The following TBC1D19 variants were observed in gnomAD, a reference collection of about 807,000 sequenced individuals.
TBC1D19 encodes the protein TBC1 domain family, member 19.
A neutral mutation model predicts 89.0 loss-of-function variants in TBC1D19; 60 were observed. That is an observed-to-expected ratio of 0.67 (90% confidence interval 0.55 to 0.84). The LOEUF (loss-of-function observed/expected upper bound fraction) is 0.84. Among genes scored for constraint, TBC1D19 ranks in the 40% least tolerant of loss-of-function variants. TBC1D19 has a pLI of 0.00. For missense variants in TBC1D19, 500 were observed against 610.8 expected (o/e 0.82, Z 1.91); for synonymous variants, 189 against 199.7 (o/e 0.95, Z 0.45).
At chr4:26,828,117 C>T in the TBC1D19 span, among the ~76,000 whole-genome samples, 1 of 152,140 alleles carries the variant, frequency 6.6e-6, no homozygotes, top group Non-Finnish European at 1.5e-5. Context: ...TTATGAAGTG[C>T]TCTGAGCCTT....
At chr4:26,776,587 A>T in the TBC1D19 span, among the ~76,000 whole-genome samples, 1 of 152,208 alleles carries the variant, frequency 6.6e-6, no homozygotes, top group Non-Finnish European at 1.5e-5. Context: ...TGTCAATGTC[A>T]TCCTAGTCAT....
At chr4:26,651,444 T>C (rs1194993024) in intron 7 of TBC1D19, among the ~76,000 whole-genome samples, 2 of 152,178 alleles carry the variant, frequency 1.3e-5, no homozygotes, top group Non-Finnish European at 2.9e-5. Flanking sequence ...CCCTTGTAAG[T>C]TGGATTCCTA....
chr4:26,653,505 T>C lies in TBC1D19; in HGVS notation c.481-6092T>C, dbSNP rs759723005. Among the ~76,000 whole-genome samples, 44 of 152,230 alleles carry C rather than the reference T, an allele frequency of 2.9e-4. 1 individual carries two copies. Among genetic ancestry groups the C allele is most frequent in the Non-Finnish European group, 5.6e-4 (38 of 68,026 alleles). Reference sequence around the variant, plus strand: ...GTCTCCCATTATTATTGTGTGGGAGTCTAAGTCTCTTTTTAGGTGTCTCAG... The same window carrying C: ...GTCTCCCATTATTATTGTGTGGGAGCCTAAGTCTCTTTTTAGGTGTCTCAG... On this transcript the variant is annotated intron_variant, in intron 7 of 20. Transcript: ENST00000264866.
chr4:26,824,703 T>C, the TBC1D19 span, among the ~76,000 whole-genome samples: 19 of 152,230 alleles, frequency 1.2e-4, no homozygotes, highest in African/African-American at 4.3e-4. Flanking sequence ...TGCTATCATT[T>C]ACTTCTTAGT....
chr4:26,719,360 CT>C (rs1015087293), intron 14 of TBC1D19, among the ~76,000 whole-genome samples: 4 of 151,962 alleles, frequency 2.6e-5, no homozygotes, highest in African/African-American at 4.8e-5. Context: ...ATAAAAAGAA[CT>C]TTTTTTAACT....
chr4:26,580,683 G>A (rs1382541308), upstream of TBC1D19, among the ~76,000 whole-genome samples: 1 of 152,200 alleles, frequency 6.6e-6, no homozygotes, highest in East Asian at 1.9e-4. Flanking sequence ...CATGTTAAAA[G>A]CAGTCTCTTT....
At chr4:26,690,385 G>C (rs541626875) in intron 13 of TBC1D19, among the ~76,000 whole-genome samples, 1 of 152,204 alleles carries the variant, frequency 6.6e-6, no homozygotes, top group African/African-American at 2.4e-5. Flanking sequence ...CTAAACAACA[G>C]ATTTTTCAGT....
chr4:26,796,714 A>T, the TBC1D19 span, among the ~76,000 whole-genome samples: 1 of 152,170 alleles, frequency 6.6e-6, no homozygotes, highest in South Asian at 2.1e-4. Flanking sequence ...ATGAAAATAA[A>T]AGTAAACATT....
chr4:26,656,859 A>G (rs575014288), intron 7 of TBC1D19, among the ~76,000 whole-genome samples: 7 of 151,930 alleles, frequency 4.6e-5, no homozygotes, highest in African/African-American at 1.7e-4. Flanking sequence ...GCGCCCAGAC[A>G]CTTATTTTTG....
intron 3 of TBC1D19, among the ~76,000 whole-genome samples, 179 bp from the exon 4 acceptor site, chr4:26,620,434 C>A (rs989031005): frequency 6.6e-6 from 1 of 152,122 alleles, no homozygotes; most frequent in Non-Finnish European, 1.5e-5. Flanking sequence ...ATACTTAGTA[C>A]CTAGAATGGC....
chr4:26,649,630 T>C (rs111417807), intron 7 of TBC1D19, among the ~76,000 whole-genome samples: 10,519 of 152,268 alleles, frequency 0.069, 534 homozygotes, highest in Middle Eastern at 0.14. Flanking sequence ...GTTTATTGTA[T>C]AACCAATGAC....
chr4:26,847,856 T>C, the TBC1D19 span, among the ~76,000 whole-genome samples: 1 of 152,210 alleles, frequency 6.6e-6, no homozygotes, highest in Non-Finnish European at 1.5e-5. Flanking sequence ...CAACAGGATT[T>C]GGTAAACGTG....
chr4:26,639,495 A>C (rs1353199305), intron 6 of TBC1D19, among the ~76,000 whole-genome samples: 1 of 152,242 alleles, frequency 6.6e-6, no homozygotes, highest in Non-Finnish European at 1.5e-5. Flanking sequence ...TGTTAAAAAT[A>C]GGATAAATAG....
intron 13 of TBC1D19, among the ~76,000 whole-genome samples, chr4:26,691,350 A>C (rs911020201): frequency 6.6e-6 from 1 of 152,258 alleles, no homozygotes; most frequent in Admixed American, 6.5e-5. Context: ...GCAGGGTTCA[A>C]GCGAATTGAC....
intron 1 of TBC1D19, among the ~76,000 whole-genome samples, chr4:26,610,663 T>A (rs777234031): frequency 5.3e-5 from 8 of 152,056 alleles, no homozygotes; most frequent in Non-Finnish European, 1.2e-4. Context: ...CCATGTGTAC[T>A]CAATGTTCAG....
chr4:26,710,172 C>T (rs1465851842), intron 13 of TBC1D19, among the ~76,000 whole-genome samples: 1 of 151,942 alleles, frequency 6.6e-6, no homozygotes, highest in Admixed American at 6.6e-5. Context: ...CTAATGCTAT[C>T]CCTCCCCTCT....
intron 1 of TBC1D19, among the ~76,000 whole-genome samples, chr4:26,610,878 T>C (rs1378557412): frequency 1.3e-5 from 2 of 152,188 alleles, no homozygotes; most frequent in South Asian, 2.1e-4. Context: ...TTCCATTTCT[T>C]TGCTATTGTG....
At chr4:26,810,975 T>C in the TBC1D19 span, among the ~76,000 whole-genome samples, 1 of 152,172 alleles carries the variant, frequency 6.6e-6, no homozygotes, top group African/African-American at 2.4e-5. Context: ...AAACCAGAAA[T>C]ACCATTTGAC....
chr4:26,753,898 T>A lies in TBC1D19; in HGVS notation c.1506+8T>A, dbSNP rs746851672. On this transcript the variant is annotated splice_region_variant and intron_variant, in intron 20 of 20. Coordinates refer to ENST00000264866, the MANE Select transcript of TBC1D19 (RefSeq NM_018317.4). ...TCACTGGCTGCAGCTGAAGTAAGGATAAGTTTCACTCAGATGGGATGGAAA... is the reference window on the plus strand; with the variant it reads ...TCACTGGCTGCAGCTGAAGTAAGGAAAAGTTTCACTCAGATGGGATGGAAA... 5.6e-6 allele frequency: 9 copies of A among 1,613,782 alleles called. No homozygotes were observed. In the South Asian group the frequency reaches 7.7e-5, roughly 14 times the overall value.
Sources: gnomAD v4.1 joint callset for allele counts (sites outside exome capture counted in the v4.1 genomes callset) on GRCh38, gnomAD v4.1.1 for gene constraint, MANE v1.5 for transcripts, NCBI Gene and HGNC (gene_info 2026-07-23, HGNC 2026-07-21) for gene names.